The following STAT2 variants were observed in gnomAD, a reference collection of about 807,000 sequenced individuals.
The protein encoded by STAT2 is signal transducer and activator of transcription 2.
In STAT2, 51 loss-of-function variants were observed where a neutral mutation model predicts 122.3. The observed-to-expected ratio is 0.42, with a 90% CI of 0.33 to 0.53. STAT2 has a LOEUF of 0.53. STAT2 is among the 20% of genes least tolerant of loss of function. STAT2 has a pLI of 0.10. For synonymous variants in STAT2, 351 were observed against 394.9 expected, an observed-to-expected ratio of 0.89 and a Z score of 1.32; for missense variants, 736 against 1,010.3, an observed-to-expected ratio of 0.73 and a Z score of 3.68.
At chr12:56,352,309 T>G (rs543209236) in intron 8 of STAT2, 2 of 148,742 alleles carry the variant, frequency 1.3e-5, no homozygotes, top group East Asian at 3.9e-4. Flanking sequence ...AGAAAATAGA[T>G]TCGATTGGGA....
chr12:56,355,053 C>A, intron 6 of STAT2, 190 bp from the exon 7 acceptor site: 1 of 728,648 alleles, frequency 1.4e-6, no homozygotes. Context: ...TCAAATAAAA[C>A]ACTGTTAGTT....
At chr12:56,348,729 C>G (rs773605031) in intron 18 of STAT2, 23 bp downstream of exon 18, 1 of 1,614,078 alleles carries the variant, frequency 6.2e-7, no homozygotes, top group Non-Finnish European at 8.5e-7. Flanking sequence ...GATCCAGCAG[C>G]TCCACAGGAT....
Position 56,354,474 on chromosome 12 carries a change from C to T in STAT2, c.774G>A (p.Leu258=). ...RAPIDHGLEQ[L]ETWFTAGAKL... ...GGGGTGGTACCTCTCACCATGTCTC[C>T]AGCTGTTCCAACCCGTGGTCAATGG... is the stretch of plus-strand genomic sequence containing the variant. The change falls in exon 8 of 24, where the codon CTG becomes CTA. Residue 258 remains leucine (L), a synonymous_variant. Coordinates refer to ENST00000314128, the MANE Select transcript of STAT2 (RefSeq NM_005419.4). 1.2e-6 allele frequency: 2 copies of T among 1,614,142 alleles called. No individual in the cohort carries two copies. The highest frequency in any genetic ancestry group is 2.2e-5 in the South Asian group (2 of 91,078).
chr12:56,344,234 C>T (rs1417868829), intron 22 of STAT2, 99 bp from the exon 23 acceptor site: 21 of 1,446,972 alleles, frequency 1.5e-5, no homozygotes, highest in South Asian at 5.7e-5. Flanking sequence ...GGCAGTAGGG[C>T]GGAGGGCTAA....
rs151170889 is a variant in STAT2 at position 56,346,622 on chromosome 12, T to G, written c.1864A>C (p.Lys622Gln). Reference sequence around the variant, plus strand: ...GGTTGCACAGAGTAGATGAGCACCTTGTCTGGAGAGTGAATGCAGGAACAG... The same window carrying G: ...GGTTGCACAGAGTAGATGAGCACCTGGTCTGGAGAGTGAATGCAGGAACAG... ...CSWVEHQDDDKVLIYSVQPYT... is the reference protein window; with the variant it reads ...CSWVEHQDDDQVLIYSVQPYT... Residue 622 changes from lysine to glutamine, a missense_variant and splice_region_variant, in exon 21 of 24, where the codon AAG (lysine) becomes CAG (glutamine). Lys to Gln is a moderately conservative substitution (Grantham distance 53). Transcript: ENST00000314128. The G allele has an allele frequency of 1.2e-6, 2 of 1,613,868 alleles. No individual in the cohort carries two copies. The highest frequency in any genetic ancestry group is 1.7e-6 in the Non-Finnish European group (2 of 1,179,944).
rs376036648 is a variant in STAT2, at chr12:56,354,523, T to G, written c.725A>C (p.Gln242Pro). 1 of 1,614,126 alleles carries G rather than the reference T, an allele frequency of 6.2e-7. No individual in the cohort carries two copies. Among genetic ancestry groups the G allele is most frequent in the African/African-American group, 1.3e-5 (1 of 74,950 alleles). ...LPKLEEWKAQ[Q>P]QKACIRAPID... ...GGGAGCTCTGATGCAGGCTTTTTGC[T>G]GCTGGGCCTTCCACTCCTCCAACTT... The change falls in exon 8 of 24, where the codon CAG (glutamine) becomes CCG (proline). Residue 242 changes from glutamine to proline, a missense_variant. Transcript: ENST00000314128.
rs1229004424 is a variant in STAT2, at chr12:56,341,808, T to C, written c.*1581A>G. Reference sequence around the variant, plus strand: ...AGCTAAGGTGTGAGATTGTCCAGAGTCCTATGACAGACCTTCAAGGTTTTA... The same window carrying C: ...AGCTAAGGTGTGAGATTGTCCAGAGCCCTATGACAGACCTTCAAGGTTTTA... On this transcript the variant is annotated 3_prime_UTR_variant, in exon 24 of 24. Transcript: ENST00000314128. 6.6e-6 allele frequency: 1 copy of C among 152,066 alleles called. No homozygotes were observed. The highest frequency in any genetic ancestry group is 2.4e-5 in the African/African-American group (1 of 41,402). 9.4% of individuals were successfully genotyped at this position (152,066 alleles called of 1,614,324 possible). A position where few individuals can be genotyped will look rare whatever the true frequency, so the allele number is the denominator to read the frequency against.
chr12:56,346,158 A>G lies in STAT2; in HGVS notation c.2090T>C (p.Val697Ala). Residue 697 changes from valine to alanine, a missense_variant, in exon 22 of 24, where the codon GTG becomes GCG. By Grantham distance (64) the Val-to-Ala change is moderately conservative. Transcript: ENST00000314128. ...RRKYLKHRLI[V>A]VSNRQVDELQ... ...GTTCATATCTCACCTATTAGAGACC[A>G]CAATGAGCCTGTGTTTCAGGTATTT... is the stretch of plus-strand genomic sequence containing the variant. The G allele has an allele frequency of 6.2e-7, 1 of 1,614,228 alleles. No individual in the cohort carries two copies.
intron 10 of STAT2, 103 bp downstream of exon 10, chr12:56,350,995 G>C: frequency 6.4e-7 from 1 of 1,568,294 alleles, no homozygotes; most frequent in Non-Finnish European, 8.8e-7. Context: ...GAGATTGCAG[G>C]GAAAGAGAAG....
intron 6 of STAT2, 108 bp downstream of exon 6, chr12:56,355,168 G>C: frequency 1.6e-6 from 2 of 1,281,572 alleles, no homozygotes; most frequent in Non-Finnish European, 1.1e-6. Context: ...AGTCAGTGGG[G>C]TGTGTCTGAC....
chr12:56,353,335 G>A (rs1878851510), intron 8 of STAT2, among the ~76,000 whole-genome samples: 1 of 150,332 alleles, frequency 6.7e-6, no homozygotes, highest in Non-Finnish European at 1.5e-5. Flanking sequence ...GTCTTGTTAT[G>A]TTTCCCGGGC....
At chr12:56,359,362 T>G (rs928158275) in intron 1 of STAT2, among the ~76,000 whole-genome samples, 11 of 152,180 alleles carry the variant, frequency 7.2e-5, no homozygotes, top group African/African-American at 2.4e-4. Context: ...GAGGATGGCT[T>G]GAGCCCAGGA....
Position 56,343,351 on chromosome 12 carries a change from G to T in STAT2, c.*38C>A. 1 of 1,598,724 alleles carries T rather than the reference G, an allele frequency of 6.3e-7. No homozygotes were observed. Among genetic ancestry groups the T allele is most frequent in the African/African-American group, 1.3e-5 (1 of 74,694 alleles). On this transcript the variant is annotated 3_prime_UTR_variant, in exon 24 of 24. Transcript: ENST00000314128. Reference sequence around the variant, plus strand: ...AATATCATGCTATGAGGAGTAGGAAGGGCAAGAGATATGAAAAGAACAGAG... The same window carrying T: ...AATATCATGCTATGAGGAGTAGGAATGGCAAGAGATATGAAAAGAACAGAG...
Position 56,355,837 on chromosome 12 carries a change from T to C in STAT2, c.286-34A>G, listed in dbSNP as rs752164972. 8.2e-6 allele frequency: 13 copies of C among 1,590,076 alleles called. No individual in the cohort carries two copies. In the African/African-American group the frequency reaches 1.7e-4, roughly 21 times the overall value. ...GGTAAACAGAAAGGATTGATCCAAT[T>C]CAACCACTCTCAATGACCTATTGCC... On this transcript the variant is annotated intron_variant, in intron 3 of 23. Transcript: ENST00000314128.
rs371384025 is a variant in STAT2, at chr12:56,346,647, G to C, written c.1862-23C>G. 155 of 1,613,076 alleles carry C rather than the reference G, an allele frequency of 9.6e-5. No individual in the cohort carries two copies. In the African/African-American group the frequency reaches 1.7e-3, roughly 18 times the overall value. ...TGTCTGGAGAGTGAATGCAGGAACA[G>C]GCGGGCTTGAGGGAAGAGGCCGGGC... On this transcript the variant is annotated intron_variant, in intron 20 of 23. Transcript: ENST00000314128.
chr12:56,354,016 A>AATATATATAT lies in STAT2; in HGVS notation c.782+440_782+449dup, dbSNP rs1555171512. ...GTCTCAAAAAAAAAAAAAAAAAAAA[A>AATATATATAT]ATATATATATATATATATATATATA... is the stretch of plus-strand genomic sequence containing the variant. On this transcript the variant is annotated intron_variant, in intron 8 of 23. Coordinates refer to ENST00000314128, the MANE Select transcript of STAT2 (RefSeq NM_005419.4). 2.2e-3 allele frequency among the ~76,000 whole-genome samples: 37 copies of AATATATATAT among 16,696 alleles called. No individual in the cohort carries two copies. In the East Asian group the frequency reaches 0.052, roughly 24 times the overall value. The allele number at this position is 16,696 out of a possible 152,430, so 11.0% of individuals were successfully genotyped here.
chr12:56,353,620 A>T (rs1263301329), intron 8 of STAT2, among the ~76,000 whole-genome samples: 1 of 152,180 alleles, frequency 6.6e-6, no homozygotes, highest in Non-Finnish European at 1.5e-5. Flanking sequence ...AATAGCTGAA[A>T]ATAGGAGTTC....
chr12:56,346,879 G>A lies in STAT2; in HGVS notation c.1801C>T (p.Arg601Cys), dbSNP rs1877552525. ...CCCCCTTCTGACGATTCACTGAAGC[G>A]CAGTAGAAAGGTGCCAGACATGGTC... ...KKTMSGTFLL[R>C]FSESSEGGIT... The change falls in exon 20 of 24, where the codon CGC becomes TGC. Residue 601 changes from arginine (R) to cysteine (C), a missense_variant. Coordinates refer to ENST00000314128, the MANE Select transcript of STAT2 (RefSeq NM_005419.4). The A allele has an allele frequency of 1.4e-5, 22 of 1,614,200 alleles. No homozygotes were observed. Among genetic ancestry groups the A allele is most frequent in the Non-Finnish European group, 1.8e-5 (21 of 1,180,030 alleles).
chr12:56,350,835 A>G lies in STAT2; in HGVS notation c.1088T>C (p.Ile363Thr), dbSNP rs771226498. The change falls in exon 11 of 24, where the codon ATT (isoleucine) becomes ACT (threonine). Residue 363 changes from isoleucine (I) to threonine (T), a missense_variant. Physicochemically the swap from Ile to Thr is moderately conservative, Grantham distance 89 (BLOSUM62 -1). Coordinates refer to ENST00000314128, the MANE Select transcript of STAT2 (RefSeq NM_005419.4). ...TTCACCTGCTCCAATTTACCTGTCAATGGAGACTTCCACAGTCAGTGACTC... is the reference window on the plus strand; with the variant it reads ...TTCACCTGCTCCAATTTACCTGTCAGTGGAGACTTCCACAGTCAGTGACTC... ...GNESLTVEVSIDRNPPQLQGF... is the reference protein window; with the variant it reads ...GNESLTVEVSTDRNPPQLQGF... The G allele has an allele frequency of 4.4e-5, 71 of 1,613,936 alleles. No individual in the cohort carries two copies. The highest frequency in any genetic ancestry group is 5.8e-5 in the Non-Finnish European group (68 of 1,180,044).
Sources: allele counts gnomAD v4.1 joint callset (sites outside exome capture counted in the v4.1 genomes callset), GRCh38; gene constraint gnomAD v4.1.1; transcripts MANE v1.5; gene names NCBI Gene and HGNC (gene_info 2026-07-23, HGNC 2026-07-21).